The following STAT4 variants were observed in gnomAD, a reference collection of about 807,000 sequenced individuals.
STAT4 encodes the protein signal transducer and activator of transcription 4.
Under a neutral mutation model 110.5 loss-of-function variants are expected in STAT4, and 42 were observed. The observed-to-expected ratio is 0.38, with a 90% CI of 0.30 to 0.49. The LOEUF is 0.49. STAT4 is among the 20% of genes least tolerant of loss of function. STAT4 has a pLI of 0.95. For synonymous variants in STAT4, 284 were observed against 302.2 expected, an observed-to-expected ratio of 0.94 and a Z score of 0.63; for missense variants, 632 against 887.9, an observed-to-expected ratio of 0.71 and a Z score of 3.66.
intron 3 of STAT4, among the ~76,000 whole-genome samples, chr2:191,098,146 C>G (rs1464226056): frequency 6.6e-6 from 1 of 152,192 alleles, no homozygotes; most frequent in Non-Finnish European, 1.5e-5. Context: ...GAAATAGGAA[C>G]ACTTTTACAC....
chr2:191,086,282 T>A lies in STAT4; in HGVS notation c.274-9957A>T, dbSNP rs895370229. Among the ~76,000 whole-genome samples, 3 of 152,148 alleles carry A rather than the reference T, an allele frequency of 2.0e-5. No individual in the cohort carries two copies. The highest frequency in any genetic ancestry group is 2.0e-4 in the Admixed American group (3 of 15,262). ...CCTGTGATAAGTAAAGATTGTCACT[T>A]TCTGACAGGCCCGGGAACCTCATAG... On this transcript the variant is annotated intron_variant, in intron 3 of 23. Transcript: ENST00000392320. The surrounding 1 kb of genome is among the most constrained non-coding windows in gnomAD (Gnocchi z 5.5).
intron 6 of STAT4, among the ~76,000 whole-genome samples, chr2:191,067,316 T>A (rs551598601): frequency 1.3e-5 from 2 of 152,248 alleles, no homozygotes; most frequent in African/African-American, 2.4e-5. Flanking sequence ...CGTCTCTCCA[T>A]AGCACACGTG....
intron 3 of STAT4, among the ~76,000 whole-genome samples, chr2:191,125,499 T>TATTATC (rs983372460): frequency 8.7e-5 from 13 of 149,272 alleles, no homozygotes; most frequent in Non-Finnish European, 1.9e-4. Flanking sequence ...TTATTATTAT[T>TATTATC]ATTATTGAGA....
chr2:191,054,770 T>C (rs1020403894), intron 13 of STAT4, among the ~76,000 whole-genome samples: 3 of 152,236 alleles, frequency 2.0e-5, no homozygotes, highest in African/African-American at 7.2e-5. Context: ...ACTAAGACTT[T>C]AGCTTTCAGT....
At chr2:191,137,548 C>G (rs1039987858) in intron 3 of STAT4, among the ~76,000 whole-genome samples, 7 of 151,784 alleles carry the variant, frequency 4.6e-5, no homozygotes, top group Admixed American at 2.6e-4. Flanking sequence ...CCAAAAAGAG[C>G]CTGAAGAGCC....
chr2:191,097,523 G>A (rs972354518), intron 3 of STAT4, among the ~76,000 whole-genome samples: 3 of 152,168 alleles, frequency 2.0e-5, no homozygotes, highest in African/African-American at 7.2e-5. Flanking sequence ...ATGGGGAAAG[G>A]ATTCCCTATT....
At position 191,090,536 on chromosome 2, in the gene STAT4, C is replaced by CTTAT. The variant is rs1697763627; in HGVS notation, c.274-14215_274-14212dup. 6.6e-6 allele frequency among the ~76,000 whole-genome samples: 1 copy of CTTAT among 151,716 alleles called. No homozygotes were observed. Among genetic ancestry groups the CTTAT allele is most frequent in the African/African-American group, 2.4e-5 (1 of 41,290 alleles). ...TGCAGGTATATATAGCTTGTCTTAC[C>CTTAT]TTATTTATTTATTTTTAAACTACTA... On this transcript the variant is annotated intron_variant, in intron 3 of 23. Transcript: ENST00000392320. This position sits in a 1 kb window ranked among gnomAD's most constrained non-coding sequence, Gnocchi z 4.2.
Position 191,039,266 on chromosome 2 carries a change from T to C in STAT4, c.1367A>G (p.Asn456Ser). 6.2e-7 allele frequency: 1 copy of C among 1,614,172 alleles called. No homozygotes were observed. The highest frequency in any genetic ancestry group is 8.5e-7 in the Non-Finnish European group (1 of 1,180,012). ...TSSLPVVMIS[N>S]VSQLPNAWAS... ...CCAAGCATTAGGTAACTGACTGACA[T>C]TGGAAATCATCACCACAGGCAATGA... is the stretch of plus-strand genomic sequence containing the variant. Residue 456 changes from asparagine (N) to serine (S), a missense_variant, in exon 16 of 24, where the codon AAT becomes AGT. Around this residue, in one of 4 missense-constraint regions of STAT4, gnomAD observed 488 missense variants for 632.8 expected, o/e 0.77. Transcript: ENST00000392320. The surrounding 1 kb of genome is among the most constrained non-coding windows in gnomAD (Gnocchi z 4.7).
intron 3 of STAT4, among the ~76,000 whole-genome samples, chr2:191,134,044 A>T (rs1699114249): frequency 6.6e-6 from 1 of 152,220 alleles, no homozygotes; most frequent in Admixed American, 6.5e-5. Flanking sequence ...ACAGTCTAGA[A>T]AAGGCAAACT....
rs1220885174 is a variant in STAT4, at chr2:191,069,715, C to T, written c.522G>A (p.Arg174=). 4.3e-6 allele frequency: 7 copies of T among 1,609,540 alleles called. No individual in the cohort carries two copies. In the Admixed American group the frequency reaches 5.1e-5, roughly 12 times the overall value. Residue 174 remains arginine, a synonymous_variant, in exon 6 of 24, where the codon AGG becomes AGA. Coordinates refer to ENST00000392320, the MANE Select transcript of STAT4 (RefSeq NM_003151.4). ...LEDLQDEFDY[R]YKTIQTMDQS... ...TACCCATTGTCTGAATTGTTTTATA[C>T]CTGTAGTCAAATTCGTCTTGCAGAT...
intron 14 of STAT4, 25 bp downstream of exon 14, chr2:191,054,465 T>A: frequency 2.5e-6 from 4 of 1,594,914 alleles, no homozygotes; most frequent in Non-Finnish European, 3.4e-6. Context: ...TCCAGAAAAA[T>A]TCTATAGGAG....
intron 3 of STAT4, among the ~76,000 whole-genome samples, chr2:191,129,887 T>C (rs1698985173): frequency 6.6e-6 from 1 of 152,206 alleles, no homozygotes; most frequent in Non-Finnish European, 1.5e-5. Context: ...GTCTTATAAC[T>C]GAGGAGTTTT....
chr2:191,128,633 C>T (rs754849613), intron 3 of STAT4, among the ~76,000 whole-genome samples: 12 of 152,116 alleles, frequency 7.9e-5, no homozygotes, highest in Non-Finnish European at 1.5e-4. Flanking sequence ...CAGCCATACC[C>T]AAATGACCCC....
rs140394481 is a variant in STAT4, at chr2:191,077,693, G to C, written c.274-1368C>G. Among the ~76,000 whole-genome samples, 39 of 152,190 alleles carry C rather than the reference G, an allele frequency of 2.6e-4. No individual in the cohort carries two copies. The East Asian group carries it at 6.9e-3, about 27-fold the overall frequency. On this transcript the variant is annotated intron_variant, in intron 3 of 23. Transcript: ENST00000392320. This position sits in a 1 kb window ranked among gnomAD's most constrained non-coding sequence, Gnocchi z 4.1. Reference sequence around the variant, plus strand: ...TGCTGCCACAATTTTATTAAATGATGTCTGTTAATTACTTCTATTTGTTTT... The same window carrying C: ...TGCTGCCACAATTTTATTAAATGATCTCTGTTAATTACTTCTATTTGTTTT...
intron 3 of STAT4, among the ~76,000 whole-genome samples, chr2:191,093,728 G>A (rs1007248423): frequency 3.3e-5 from 5 of 152,188 alleles, no homozygotes; most frequent in South Asian, 2.1e-4. Flanking sequence ...AAAGCTGGAC[G>A]GAGAAATGAC....
intron 3 of STAT4, among the ~76,000 whole-genome samples, chr2:191,118,800 C>A (rs186521459): frequency 6.6e-6 from 1 of 152,266 alleles, no homozygotes; most frequent in Admixed American, 6.5e-5. Flanking sequence ...ACTCTGTAGA[C>A]CAGGCTAGAG....
chr2:191,092,457 A>C (rs1246998865), intron 3 of STAT4, among the ~76,000 whole-genome samples: 1 of 152,026 alleles, frequency 6.6e-6, no homozygotes, highest in Non-Finnish European at 1.5e-5. Context: ...TTTACGTAAC[A>C]GATATCCCTT....
upstream of STAT4, chr2:191,151,412 G>A: frequency 2.0e-6 from 2 of 985,650 alleles, no homozygotes; most frequent in Non-Finnish European, 2.4e-6. This position sits in a 1 kb window ranked among gnomAD's most constrained non-coding sequence, Gnocchi z 4.7. Flanking sequence ...TGGGATGGAA[G>A]GGATGGGTAG....
intron 14 of STAT4, among the ~76,000 whole-genome samples, chr2:191,048,788 CAAAAAAAAAAAAAAAAAAAA>C (rs60267174): frequency 2.1e-5 from 1 of 48,768 alleles, no homozygotes; most frequent in South Asian, 1.5e-3. Flanking sequence ...AACTCCATCT[CAAAAAAAAAAAAAAAAAAAA>C]AAAAAAAAAA....
Sources: gnomAD v4.1 joint callset for allele counts (sites outside exome capture counted in the v4.1 genomes callset) on GRCh38, gnomAD v4.1.1 for gene constraint, gnomAD v4.1.1 regional missense constraint, Gnocchi (gnomAD v3.1) non-coding constraint, MANE v1.5 for transcripts, NCBI Gene and HGNC (gene_info 2026-07-23, HGNC 2026-07-21) for gene names.